Variants in NUP210L observed in about 807,000 individuals in gnomAD.
NUP210L encodes nucleoporin 210 like.
NUP210L carries 74 observed loss-of-function variants against 208.5 expected under a neutral mutation model. That is an observed-to-expected ratio of 0.35 (90% CI 0.29 to 0.43). NUP210L has a LOEUF of 0.43. Among genes scored for constraint, NUP210L ranks in the 20% least tolerant of loss-of-function variants. NUP210L has a pLI of 1.00. For synonymous variants in NUP210L, 780 were observed against 816.9 expected, an observed-to-expected ratio of 0.95 and a Z score of 0.77; for missense variants, 1,843 against 2,289.4, an observed-to-expected ratio of 0.81 and a Z score of 3.98.
intron 27 of NUP210L, among the ~76,000 whole-genome samples, chr1:154,040,807 G>A (rs1652834123): frequency 6.6e-6 from 1 of 152,058 alleles, no homozygotes. Flanking sequence ...TAGCCAAGAT[G>A]GTCTTGATCT....
At chr1:154,018,896 AC>A in intron 33 of NUP210L, 36 bp downstream of exon 33, 1 of 1,605,682 alleles carries the variant, frequency 6.2e-7, no homozygotes, top group East Asian at 2.2e-5. Flanking sequence ...GGCAATAGTC[AC>A]CCTAGTCTCT....
intron 4 of NUP210L, among the ~76,000 whole-genome samples, chr1:154,140,208 G>A (rs752087879): frequency 3.3e-5 from 5 of 151,720 alleles, no homozygotes; most frequent in African/African-American, 4.8e-5. Context: ...AAAATTAGCC[G>A]GGCGTGGTGG....
intron 27 of NUP210L, among the ~76,000 whole-genome samples, chr1:154,031,882 T>C (rs1329989638): frequency 6.8e-6 from 1 of 147,020 alleles, no homozygotes; most frequent in Non-Finnish European, 1.5e-5. Flanking sequence ...CCACTGCGCC[T>C]GGCTAAATTA....
chr1:154,142,908 G>T (rs1658926394), intron 3 of NUP210L, among the ~76,000 whole-genome samples: 1 of 151,446 alleles, frequency 6.6e-6, no homozygotes. Context: ...AAAGAAAGTG[G>T]CCAGGCGCGG....
exon 21 of NUP210L, chr1:154,058,583 C>T: frequency 8.1e-6 from 13 of 1,613,672 alleles, no homozygotes; most frequent in Non-Finnish European, 1.1e-5. Flanking sequence ...TCAGATCAAG[C>T]TCCAGCTCTT....
rs917714900 is a variant in NUP210L, at chr1:154,138,307, G to A, written c.718-69C>T. On this transcript the variant is annotated intron_variant, in intron 5 of 39. Transcript: ENST00000368559. ...CGGAACCCTCACAGTCATCTTTCTT[G>A]TTAAAAGCTTACTTCTTTTAAACTT... 10 of 1,368,906 alleles carry A rather than the reference G, an allele frequency of 7.3e-6. No homozygotes were observed. The African/African-American group carries it at 1.4e-4, about 19-fold the overall frequency. The allele number at this position is 1,368,906 out of a possible 1,614,324, so 84.8% of individuals were successfully genotyped here. A position where few individuals can be genotyped will look rare whatever the true frequency, so the allele number is the denominator to read the frequency against.
exon 8 of NUP210L, chr1:154,129,278 T>G: frequency 6.3e-7 from 1 of 1,592,994 alleles, no homozygotes; most frequent in Non-Finnish European, 8.6e-7. Context: ...CTAAAATACC[T>G]AAAAATCCAG....
At chr1:154,043,371 A>G (rs1482361338) in intron 27 of NUP210L, among the ~76,000 whole-genome samples, 3 of 140,288 alleles carry the variant, frequency 2.1e-5, no homozygotes, top group South Asian at 2.3e-4. Context: ...CTGGAGTGCA[A>G]TGGCGTAATC....
chr1:154,118,854 T>C (rs1225366938), intron 10 of NUP210L, 46 bp from the exon 11 acceptor site: 1 of 1,235,954 alleles, frequency 8.1e-7, no homozygotes, highest in African/African-American at 1.5e-5. Context: ...ATAAGGACTA[T>C]TCTTATAATA....
chr1:154,080,138 T>C (rs1251790999), intron 16 of NUP210L, among the ~76,000 whole-genome samples: 2 of 151,468 alleles, frequency 1.3e-5, no homozygotes, highest in Non-Finnish European at 2.9e-5. Flanking sequence ...GATGGGTGGA[T>C]TACCTGAGGT....
chr1:154,025,632 C>G, exon 30 of NUP210L: 2 of 1,613,896 alleles, frequency 1.2e-6, no homozygotes, highest in Non-Finnish European at 1.7e-6. Context: ...AACCAGCTTT[C>G]AGGAGCCCTT....
At chr1:154,007,599 G>C (rs1374032827) in intron 35 of NUP210L, among the ~76,000 whole-genome samples, 1 of 151,232 alleles carries the variant, frequency 6.6e-6, no homozygotes, top group East Asian at 2.0e-4. Flanking sequence ...TTGAAACAGA[G>C]TCTCACTCTG....
chr1:154,089,476 T>C (rs1451880382), exon 16 of NUP210L: 1 of 1,614,140 alleles, frequency 6.2e-7, no homozygotes, highest in Admixed American at 1.7e-5. Context: ...TGGCACCTTG[T>C]ATACTGGAGT....
chr1:154,113,168 AT>A (rs35022021), intron 12 of NUP210L, among the ~76,000 whole-genome samples: 34,866 of 119,166 alleles, frequency 0.29, 5,288 homozygotes, highest in East Asian at 0.62. Flanking sequence ...AAAAAAAAAA[AT>A]ATATATATAT....
chr1:154,100,157 A>G lies in NUP210L; in HGVS notation c.1820-14T>C. 3 of 1,613,422 alleles carry G rather than the reference A, an allele frequency of 1.9e-6. No individual in the cohort carries two copies. On this transcript the variant is annotated splice_polypyrimidine_tract_variant and intron_variant, in intron 13 of 39. Transcript: ENST00000368559. ...GTCTTTGAATACCTGTGAATCAAAAACCATGATTTTGGCAGGGCGTGGTGG... is the reference window on the plus strand; with the variant it reads ...GTCTTTGAATACCTGTGAATCAAAAGCCATGATTTTGGCAGGGCGTGGTGG...
At chr1:154,077,324 C>T (rs1033727026) in intron 16 of NUP210L, among the ~76,000 whole-genome samples, 2 of 151,302 alleles carry the variant, frequency 1.3e-5, no homozygotes, top group Non-Finnish European at 1.5e-5. Flanking sequence ...TGCAATAAGC[C>T]GAGATCATTC....
chr1:154,154,631 C>T (rs990891583), intron 1 of NUP210L, among the ~76,000 whole-genome samples: 2 of 152,176 alleles, frequency 1.3e-5, no homozygotes, highest in Non-Finnish European at 2.9e-5. Flanking sequence ...GATTGTCACA[C>T]AGCTGGAGGA....
intron 10 of NUP210L, among the ~76,000 whole-genome samples, chr1:154,119,570 A>C (rs1366653704): frequency 6.6e-6 from 1 of 152,116 alleles, no homozygotes; most frequent in Non-Finnish European, 1.5e-5. Context: ...CCTGGGCAAC[A>C]ATAGGGAAAC....
chr1:154,027,104 A>AAAAAAAC (rs1557924548), intron 29 of NUP210L, among the ~76,000 whole-genome samples: 2 of 147,400 alleles, frequency 1.4e-5, no homozygotes, highest in Admixed American at 6.9e-5. Flanking sequence ...AAACAAAAAA[A>AAAAAAAC]AAAAAACAAA....
Sources: gnomAD v4.1 joint callset for allele counts (sites outside exome capture counted in the v4.1 genomes callset) on GRCh38, gnomAD v4.1.1 for gene constraint, MANE v1.5 for transcripts, NCBI Gene and HGNC (gene_info 2026-07-23, HGNC 2026-07-21) for gene names.